SOD2: variants seen among roughly 807,000 people sequenced by gnomAD.
SOD2 encodes the protein superoxide dismutase 2.
SOD2 carries 11 observed loss-of-function variants against 27.0 expected under a neutral mutation model. The observed-to-expected ratio is 0.41, with a 90% CI of 0.26 to 0.67. The LOEUF (loss-of-function observed/expected upper bound fraction) is 0.67. Among genes scored for constraint, SOD2 ranks in the 30% least tolerant of loss-of-function variants. The probability of loss-of-function intolerance (pLI) is 0.34; values close to 1 mark genes in which losing one functional copy is unlikely to be tolerated. For synonymous variants in SOD2, 105 were observed against 103.0 expected (o/e 1.02, Z -0.12); for missense variants, 250 against 274.5 (o/e 0.91, Z 0.63).
At chr6:159,722,693 C>A (rs1245517769) in intron 1 of SOD2, among the ~76,000 whole-genome samples, 1 of 152,052 alleles carries the variant, frequency 6.6e-6, no homozygotes, top group African/African-American at 2.4e-5. Flanking sequence ...GGTAAATGGC[C>A]AGAATATACA....
At chr6:159,691,588 GCA>G (rs1777195914) in intron 2 of SOD2, 1 of 152,090 alleles carries the variant, frequency 6.6e-6, no homozygotes, top group Non-Finnish European at 1.5e-5. Context: ...TCTTCCTTGT[GCA>G]AACCACTAAC....
chr6:159,726,966 A>G, intron 1 of SOD2: 2 of 1,283,914 alleles, frequency 1.6e-6, no homozygotes, highest in Non-Finnish European at 2.0e-6. Context: ...TCACGAACAC[A>G]GAGCGGCCAA....
At chr6:159,702,295 ATT>A (rs112350033) in intron 1 of SOD2, among the ~76,000 whole-genome samples, 7 of 142,656 alleles carry the variant, frequency 4.9e-5, no homozygotes, top group East Asian at 2.1e-4. Flanking sequence ...TCTGTATAAA[ATT>A]TTTTTTTTTT....
chr6:159,749,233 AG>A (rs1779733864), upstream of SOD2: 1 of 985,700 alleles, frequency 1.0e-6, no homozygotes, highest in South Asian at 4.7e-5. Context: ...AGATTGTATA[AG>A]GATATTAGCT....
At chr6:159,713,660 G>A (rs1247140811) in intron 1 of SOD2, 12 of 992,782 alleles carry the variant, frequency 1.2e-5, no homozygotes, top group East Asian at 4.8e-5. Flanking sequence ...TAAGCCAGAC[G>A]AAGCCATCGT....
At chr6:159,713,500 T>A in intron 1 of SOD2, 1 of 669,114 alleles carries the variant, frequency 1.5e-6, no homozygotes, top group Non-Finnish European at 2.7e-6. Context: ...CAATGCCGTC[T>A]CAGCTATCTC....
At position 159,693,148 on chromosome 6, in the gene SOD2, C is replaced by T. The variant is rs777032167; in HGVS notation, c.20G>A (p.Cys7Tyr). 9.8e-6 allele frequency: 15 copies of T among 1,534,406 alleles called. No homozygotes were observed. Among genetic ancestry groups the T allele is most frequent in the East Asian group, 2.5e-5 (1 of 39,228 alleles). Residue 7 changes from cysteine (C) to tyrosine (Y), a missense_variant, in exon 1 of 5, where the codon TGC (cysteine) becomes TAC (tyrosine). Cys to Tyr is a radical substitution (Grantham distance 194). Transcript: ENST00000538183. MLSRAVCGTSRQLAPVL... is the reference protein window; with the variant it reads MLSRAVYGTSRQLAPVL... ...ACCGGGTCCCCTTTCTTCTCACCCG[C>T]ACACTGCCCGGCTCAACATGCTGCT...
chr6:159,727,078 GCTGA>G (rs1382696274), intron 1 of SOD2: 1 of 1,203,146 alleles, frequency 8.3e-7, no homozygotes, highest in Admixed American at 3.2e-5. Context: ...ATGCCCTGGG[GCTGA>G]CCTCCGACCT....
intron 2 of SOD2, 22 bp from the exon 3 acceptor site, chr6:159,688,264 A>C (rs1349946191): frequency 6.9e-7 from 1 of 1,454,960 alleles, no homozygotes; most frequent in Non-Finnish European, 9.7e-7. Context: ...AAATGCAAAC[A>C]CATTTTTTTG....
Position 159,736,372 on chromosome 6 carries a change from T to TA in SOD2, c.-116+8757dup, listed in dbSNP as rs946463755. The TA allele has an allele frequency of 6.1e-6, 7 of 1,152,564 alleles. No homozygotes were observed. The African/African-American group carries it at 1.1e-4, about 18-fold the overall frequency. 71.4% of individuals were successfully genotyped at this position (1,152,564 alleles called of 1,614,324 possible). On this transcript the variant is annotated intron_variant, in intron 1 of 3. Transcript: ENST00000537657. ...CTTTTTTAAGCACTTTAAAAAAAAA[T>TA]AGACTTGAAGGGATTATCGTTGTTT...
At chr6:159,715,545 C>T (rs920830962) in intron 1 of SOD2, among the ~76,000 whole-genome samples, 7 of 152,128 alleles carry the variant, frequency 4.6e-5, no homozygotes, top group Admixed American at 3.9e-4. Flanking sequence ...CTTACCGTTG[C>T]ATCCATAAGG....
chr6:159,714,460 C>G (rs1302531711), intron 1 of SOD2, among the ~76,000 whole-genome samples: 1 of 152,176 alleles, frequency 6.6e-6, no homozygotes, highest in Non-Finnish European at 1.5e-5. Flanking sequence ...CTACTTCACT[C>G]CCCAGGCAGG....
chr6:159,735,654 C>G lies in SOD2; in HGVS notation c.-116+9476G>C, dbSNP rs145507274. The stretch of plus-strand genomic sequence containing the variant: ...GTCCCAGCTATTTAGGGGGCTGAGG[C>G]AGGAGAATTGCTTGAACCCTGGAGG... On this transcript the variant is annotated intron_variant, in intron 1 of 3. Transcript: ENST00000537657. Among the ~76,000 whole-genome samples, 601 of 152,160 alleles carry G rather than the reference C, an allele frequency of 3.9e-3. 8 individuals are homozygous for G. The highest frequency in any genetic ancestry group is 0.014 in the African/African-American group (578 of 41,500).
At chr6:159,684,745 T>A in intron 4 of SOD2, 109 bp downstream of exon 4, 1 of 836,430 alleles carries the variant, frequency 1.2e-6, no homozygotes, top group Non-Finnish European at 1.8e-6. Flanking sequence ...CTGTTAAGAT[T>A]TGCAAATTAT....
intron 1 of SOD2, chr6:159,743,924 T>C: frequency 9.8e-7 from 1 of 1,024,404 alleles, no homozygotes; most frequent in Non-Finnish European, 1.3e-6. Flanking sequence ...TGCTTTGAGC[T>C]TTAAGAATAC....
At position 159,671,743 on chromosome 6, in the gene SOD2, A is replaced by C. The variant is rs1365389819; in HGVS notation, c.*10750T>G. On this transcript the variant is annotated 3_prime_UTR_variant, in exon 5 of 5. Coordinates refer to ENST00000538183, the MANE Select transcript of SOD2 (RefSeq NM_000636.4). ...AGCAACAGAACAAAGCTGGACGGAGAATGACTTTGACGAGTTGAGAGAAGA... is the reference window on the plus strand; with the variant it reads ...AGCAACAGAACAAAGCTGGACGGAGCATGACTTTGACGAGTTGAGAGAAGA... 6.6e-6 allele frequency: 1 copy of C among 152,232 alleles called. No homozygotes were observed. The highest frequency in any genetic ancestry group is 1.9e-4 in the East Asian group (1 of 5,204). The allele number at this position is 152,232 out of a possible 1,614,324, so 9.4% of individuals were successfully genotyped here. A position where few individuals can be genotyped will look rare whatever the true frequency, so the allele number is the denominator to read the frequency against.
In SOD2 at chr6:159,693,238, G is replaced by A. The variant is rs1477681179; in HGVS notation, c.-71C>T. ...CCGCTGCCGAAGCCACCACAGCCACGAGTGCCGCTCCTGCGCCGCCCGCGG... is the reference window on the plus strand; with the variant it reads ...CCGCTGCCGAAGCCACCACAGCCACAAGTGCCGCTCCTGCGCCGCCCGCGG... On this transcript the variant is annotated 5_prime_UTR_variant, in exon 1 of 5. Transcript: ENST00000538183. The A allele has an allele frequency of 8.7e-5, 124 of 1,417,518 alleles. No homozygotes were observed. The highest frequency in any genetic ancestry group is 1.1e-4 in the Non-Finnish European group (119 of 1,047,318). 87.8% of individuals were successfully genotyped at this position (1,417,518 alleles called of 1,614,324 possible).
chr6:159,719,135 G>A (rs1777979930), intron 1 of SOD2, among the ~76,000 whole-genome samples: 1 of 152,100 alleles, frequency 6.6e-6, no homozygotes, highest in Admixed American at 6.6e-5. Flanking sequence ...CTTGGAAGGG[G>A]ATTAGGTCAT....
At chr6:159,692,595 T>G (rs758237977) in intron 2 of SOD2, 66 bp downstream of exon 2, 1 of 1,598,830 alleles carries the variant, frequency 6.3e-7, no homozygotes, top group African/African-American at 1.3e-5. Context: ...CCCGTCCGTA[T>G]GGGGCCTGGC....
Sources: allele counts gnomAD v4.1 joint callset (sites outside exome capture counted in the v4.1 genomes callset), GRCh38; gene constraint gnomAD v4.1.1; transcripts MANE v1.5; gene names NCBI Gene and HGNC (gene_info 2026-07-23, HGNC 2026-07-21).